KLF17: variants seen among roughly 807,000 people sequenced by gnomAD.
KLF17 encodes Krueppel-like factor 17.
A neutral mutation model predicts 34.2 loss-of-function variants in KLF17; 31 were observed. That is an observed-to-expected ratio of 0.91 (90% CI 0.68 to 1.22). The LOEUF (loss-of-function observed/expected upper bound fraction) is 1.22. Ranked by LOEUF, KLF17 falls within the 50% of genes most tolerant of loss-of-function variation. KLF17 has a pLI of 0.00. For missense variants in KLF17, 478 were observed against 505.2 expected (o/e 0.95, Z 0.52); for synonymous variants, 179 against 186.7 (o/e 0.96, Z 0.34).
the KLF17 span, among the ~76,000 whole-genome samples, chr1:44,107,995 G>T: frequency 1.5e-4 from 23 of 152,182 alleles, no homozygotes; most frequent in Non-Finnish European, 3.2e-4. Flanking sequence ...GAAGACGAAT[G>T]AGCCCATCCA....
the KLF17 span, among the ~76,000 whole-genome samples, chr1:44,083,141 C>T: frequency 6.6e-6 from 1 of 151,576 alleles, no homozygotes; most frequent in African/African-American, 2.4e-5. Flanking sequence ...AGAGATGAGG[C>T]CTTGCTATGT....
At chr1:44,099,240 C>A in the KLF17 span, among the ~76,000 whole-genome samples, 25 of 151,236 alleles carry the variant, frequency 1.7e-4, no homozygotes, top group Non-Finnish European at 2.8e-4. Flanking sequence ...CCCGTCTCCA[C>A]AAACAATAAA....
intron 1 of KLF17, among the ~76,000 whole-genome samples, chr1:44,127,646 CT>C (rs879540008): frequency 1.8e-5 from 1 of 56,182 alleles, no homozygotes; most frequent in African/African-American, 7.9e-5. Context: ...TTCCTTCTTT[CT>C]TTCTTTCTTT....
the KLF17 span, among the ~76,000 whole-genome samples, chr1:44,067,126 C>T: frequency 4.6e-5 from 7 of 151,954 alleles, no homozygotes; most frequent in African/African-American, 1.5e-4. Flanking sequence ...ATGTCTAATC[C>T]TCTAACGCTA....
At chr1:44,080,090 G>A in the KLF17 span, among the ~76,000 whole-genome samples, 1 of 151,754 alleles carries the variant, frequency 6.6e-6, no homozygotes, top group Non-Finnish European at 1.5e-5. Context: ...CACCATGCGT[G>A]GCTAATTTTT....
the KLF17 span, chr1:44,052,018 G>A: frequency 7.8e-4 from 119 of 152,256 alleles, no homozygotes; most frequent in African/African-American, 2.9e-3. Flanking sequence ...ACAGAAAAAG[G>A]CATTAGAAGT....
At chr1:44,089,931 G>A in the KLF17 span, among the ~76,000 whole-genome samples, 3 of 152,018 alleles carry the variant, frequency 2.0e-5, no homozygotes, top group Non-Finnish European at 2.9e-5. Context: ...GGAGGCCAAG[G>A]GGGGCGGATC....
At chr1:44,085,707 G>A in the KLF17 span, among the ~76,000 whole-genome samples, 445 of 151,530 alleles carry the variant, frequency 2.9e-3, 1 homozygote, top group African/African-American at 0.01. Flanking sequence ...AGGAGGCTGA[G>A]GTGGGAGGAT....
chr1:44,051,886 C>G, the KLF17 span, among the ~76,000 whole-genome samples: 2 of 151,954 alleles, frequency 1.3e-5, no homozygotes, highest in African/African-American at 4.8e-5. Context: ...GTGAGGGGAC[C>G]CTTGTTGGCT....
chr1:44,099,857 GA>G, the KLF17 span, among the ~76,000 whole-genome samples: 2 of 97,014 alleles, frequency 2.1e-5, no homozygotes, highest in Non-Finnish European at 4.1e-5. Flanking sequence ...AAGAAAGAAA[GA>G]AAGAAAGAAA....
the KLF17 span, among the ~76,000 whole-genome samples, chr1:44,056,911 G>A: frequency 0.021 from 3,177 of 151,910 alleles, 48 homozygotes; most frequent in Admixed American, 0.034. Context: ...AGGCCCTTCT[G>A]CTTGACATCC....
chr1:44,130,116 C>G lies in KLF17; in HGVS notation c.845C>G (p.Pro282Arg), dbSNP rs776735636. The G allele has an allele frequency of 7.4e-6, 12 of 1,614,114 alleles. No homozygotes were observed. In the Admixed American group the frequency reaches 2.0e-4, roughly 27 times the overall value. ...TGRRGSSEAR[P>R]YCCNYENCGK... ...AGAAGGGGCTCCTCAGAGGCAAGGC[C>G]TTACTGCTGCAACTACGAGAACTGC... is the stretch of plus-strand genomic sequence containing the variant. The change falls in exon 2 of 4, where the codon CCT (proline) becomes CGT (arginine). Residue 282 changes from proline (P) to arginine (R), a missense_variant. Pro to Arg is a moderately radical substitution (Grantham distance 103). Transcript: ENST00000372299.
At chr1:44,080,454 G>A in the KLF17 span, among the ~76,000 whole-genome samples, 1 of 151,312 alleles carries the variant, frequency 6.6e-6, no homozygotes, top group Non-Finnish European at 1.5e-5. Flanking sequence ...TAGCCAGTAT[G>A]GTCTCCATCT....
At chr1:44,104,018 G>A in the KLF17 span, 9 of 861,388 alleles carry the variant, frequency 1.0e-5, no homozygotes, top group Non-Finnish European at 1.8e-5. Flanking sequence ...TGTCCATGGA[G>A]CGGCTGTTGT....
At chr1:44,078,538 A>G in the KLF17 span, among the ~76,000 whole-genome samples, 132 of 151,618 alleles carry the variant, frequency 8.7e-4, no homozygotes, top group Non-Finnish European at 8.1e-4. Flanking sequence ...CCTGGGTTCA[A>G]GCAATTCCCC....
intron 1 of KLF17, among the ~76,000 whole-genome samples, chr1:44,127,227 C>A (rs574651867): frequency 6.6e-6 from 1 of 152,172 alleles, no homozygotes; most frequent in African/African-American, 2.4e-5. Context: ...TTATTTTAAA[C>A]CATATTGCTA....
At chr1:44,130,328 C>CT (rs964659855) in intron 2 of KLF17, 132 bp downstream of exon 2, 3 of 1,441,026 alleles carry the variant, frequency 2.1e-6, no homozygotes, top group Middle Eastern at 3.7e-4. Context: ...GACTGGCCCC[C>CT]CGACTTGCCA....
the KLF17 span, among the ~76,000 whole-genome samples, chr1:44,069,406 G>T: frequency 0.39 from 58,885 of 151,284 alleles, 11,762 homozygotes; most frequent in East Asian, 0.57. This position sits in a 1 kb window ranked among gnomAD's most constrained non-coding sequence, Gnocchi z 4.7. Context: ...ATCTGCTTCT[G>T]GGGAGGCCTC....
the KLF17 span, among the ~76,000 whole-genome samples, chr1:44,092,369 C>T: frequency 6.6e-6 from 1 of 152,010 alleles, no homozygotes; most frequent in South Asian, 2.1e-4. Flanking sequence ...TACTTCACTA[C>T]ACTGACAGAA....
Sources: allele counts gnomAD v4.1 joint callset (sites outside exome capture counted in the v4.1 genomes callset), GRCh38; gene constraint gnomAD v4.1.1; non-coding constraint Gnocchi (gnomAD v3.1); transcripts MANE v1.5; gene names NCBI Gene and HGNC (gene_info 2026-07-23, HGNC 2026-07-21).